SP4: variants seen among roughly 807,000 people sequenced by gnomAD.
SP4 encodes transcription factor Sp4.
SP4 carries 19 observed loss-of-function variants against 72.8 expected under a neutral mutation model. The ratio of observed to expected loss-of-function variants is 0.26; its 90% CI spans 0.18 to 0.38. SP4 has a LOEUF of 0.38. SP4 is among the 10% of genes least tolerant of loss of function. The pLI, the probability that SP4 is intolerant of heterozygous loss-of-function variation, is 1.00. For missense variants in SP4, 1,008 were observed against 926.3 expected, an observed-to-expected ratio of 1.09 and a Z score of -1.14; for synonymous variants, 395 against 333.1, an observed-to-expected ratio of 1.19 and a Z score of -2.02.
intron 3 of SP4, among the ~76,000 whole-genome samples, chr7:21,461,742 C>T (rs1240390739): frequency 2.6e-5 from 4 of 152,194 alleles, no homozygotes; most frequent in Non-Finnish European, 5.9e-5. Flanking sequence ...AGAATGGGCG[C>T]CGAGGCCGAG....
rs753744822 is a variant in SP4, at chr7:21,462,259, G to A, written c.1679-14820G>A. Among the ~76,000 whole-genome samples, 16 of 151,996 alleles carry A rather than the reference G, an allele frequency of 1.1e-4. No individual in the cohort carries two copies. In the East Asian group the frequency reaches 1.9e-3, roughly 18 times the overall value. On this transcript the variant is annotated intron_variant, in intron 3 of 5. Transcript: ENST00000222584. ...AAGCTAGTTTTGTTTTTTAACAGACGTAGGAGAAATGGGGAAGCCAGTTTC... is the reference window on the plus strand; with the variant it reads ...AAGCTAGTTTTGTTTTTTAACAGACATAGGAGAAATGGGGAAGCCAGTTTC...
At chr7:21,466,382 C>T (rs1784168512) in intron 3 of SP4, among the ~76,000 whole-genome samples, 1 of 152,128 alleles carries the variant, frequency 6.6e-6, no homozygotes, top group Admixed American at 6.5e-5. Context: ...TAACATTCCT[C>T]TTGAGTGTTT....
intron 3 of SP4, among the ~76,000 whole-genome samples, chr7:21,440,877 ACAACAACAACAG>A (rs1437059951): frequency 0.016 from 232 of 14,862 alleles, no homozygotes; most frequent in African/African-American, 0.13. Context: ...AACAACAACA[ACAACAACAACAG>A]CAGCAAACAG....
intron 3 of SP4, among the ~76,000 whole-genome samples, chr7:21,464,233 A>G (rs1172772038): frequency 2.7e-5 from 4 of 145,904 alleles, no homozygotes; most frequent in Non-Finnish European, 5.9e-5. Context: ...AGTAGCTGGG[A>G]CTACAGGCAC....
In SP4 at chr7:21,429,274, T is replaced by G; in HGVS notation, c.124-15T>G. 1 of 1,228,074 alleles carries G rather than the reference T, an allele frequency of 8.1e-7. No homozygotes were observed. Among genetic ancestry groups the G allele is most frequent in the Non-Finnish European group, 1.2e-6 (1 of 866,332 alleles). 76.1% of individuals were successfully genotyped at this position (1,228,074 alleles called of 1,614,324 possible). The stretch of plus-strand genomic sequence containing the variant: ...TTTCCCCCCCCCCTCTCCTTTACCG[T>G]CCCATTTTGGGTAGGACTCTCAGCC... On this transcript the variant is annotated splice_polypyrimidine_tract_variant and intron_variant, in intron 2 of 5. Transcript: ENST00000222584.
intron 3 of SP4, among the ~76,000 whole-genome samples, chr7:21,462,599 C>G (rs1784031088): frequency 1.3e-5 from 2 of 152,116 alleles, no homozygotes; most frequent in Non-Finnish European, 2.9e-5. Flanking sequence ...GAGAAGAGAT[C>G]AGAATCAGCA....
intron 3 of SP4, among the ~76,000 whole-genome samples, chr7:21,449,294 C>T (rs201645145): frequency 1.3e-5 from 2 of 152,302 alleles, no homozygotes; most frequent in South Asian, 2.1e-4. Context: ...CTAACTGACC[C>T]GTATGCTCCA....
At chr7:21,456,108 C>T (rs994254347) in intron 3 of SP4, among the ~76,000 whole-genome samples, 3 of 152,134 alleles carry the variant, frequency 2.0e-5, no homozygotes, top group African/African-American at 7.2e-5. Context: ...TTTGAGGGGG[C>T]AACATTTATT....
intron 3 of SP4, among the ~76,000 whole-genome samples, chr7:21,439,666 G>A (rs1439485016): frequency 6.6e-6 from 1 of 152,080 alleles, no homozygotes; most frequent in Non-Finnish European, 1.5e-5. Context: ...GAGGGAGGAG[G>A]ATCACGTGAG....
chr7:21,487,225 C>T (rs556609345), intron 5 of SP4, among the ~76,000 whole-genome samples: 12 of 152,160 alleles, frequency 7.9e-5, no homozygotes, highest in Admixed American at 4.6e-4. Flanking sequence ...TTGTTTTTAA[C>T]GCTAAGGGCG....
intron 5 of SP4, among the ~76,000 whole-genome samples, chr7:21,489,149 A>G (rs770624343): frequency 1.8e-4 from 27 of 152,236 alleles, no homozygotes; most frequent in Admixed American, 5.9e-4. Flanking sequence ...ACAATTTTAT[A>G]TAAAGTTAAA....
chr7:21,433,457 G>C (rs775488129), intron 3 of SP4, among the ~76,000 whole-genome samples: 2 of 152,192 alleles, frequency 1.3e-5, no homozygotes, highest in African/African-American at 2.4e-5. Flanking sequence ...AGTTAATCTA[G>C]GCCTAGTTTG....
chr7:21,501,722 C>T (rs779620705), intron 5 of SP4, among the ~76,000 whole-genome samples: 39 of 152,138 alleles, frequency 2.6e-4, no homozygotes, highest in African/African-American at 7.2e-4. Context: ...TGTTGGTCTT[C>T]GTAAAGCTTT....
At chr7:21,434,280 C>T (rs1014844701) in intron 3 of SP4, among the ~76,000 whole-genome samples, 1 of 152,170 alleles carries the variant, frequency 6.6e-6, no homozygotes, top group African/African-American at 2.4e-5. Context: ...TCTCATTTTA[C>T]TCTTCAGGAG....
chr7:21,451,253 A>C (rs1783591123), intron 3 of SP4, among the ~76,000 whole-genome samples: 1 of 152,224 alleles, frequency 6.6e-6, no homozygotes, highest in Non-Finnish European at 1.5e-5. Flanking sequence ...AGATCTTATC[A>C]GGAAGCTGCT....
chr7:21,502,956 C>T (rs1393358513), intron 5 of SP4, among the ~76,000 whole-genome samples: 1 of 152,092 alleles, frequency 6.6e-6, no homozygotes. Context: ...GTGACCCATG[C>T]ACTTTCCACT....
chr7:21,445,063 A>G (rs904723734), intron 3 of SP4, among the ~76,000 whole-genome samples: 2 of 152,186 alleles, frequency 1.3e-5, no homozygotes, highest in Non-Finnish European at 2.9e-5. Flanking sequence ...GCTAGTAATA[A>G]CATCTCCCTG....
At chr7:21,448,203 T>C (rs1783484616) in intron 3 of SP4, among the ~76,000 whole-genome samples, 1 of 152,212 alleles carries the variant, frequency 6.6e-6, no homozygotes, top group Non-Finnish European at 1.5e-5. Context: ...ATAAAAGAGC[T>C]GTTTTGGAAG....
intron 3 of SP4, among the ~76,000 whole-genome samples, chr7:21,457,067 C>G (rs928094244): frequency 1.9e-4 from 29 of 152,196 alleles, no homozygotes; most frequent in Non-Finnish European, 8.8e-5. Flanking sequence ...GGAAACATAT[C>G]TGAGTCACAT....
Sources: gnomAD v4.1 joint callset for allele counts (sites outside exome capture counted in the v4.1 genomes callset) on GRCh38, gnomAD v4.1.1 for gene constraint, MANE v1.5 for transcripts, NCBI Gene and HGNC (gene_info 2026-07-23, HGNC 2026-07-21) for gene names.